PXDNL: variants seen among roughly 807,000 people sequenced by gnomAD.
PXDNL encodes probable oxidoreductase PXDNL.
In PXDNL, 145 loss-of-function variants were observed where a neutral mutation model predicts 150.8. That is an observed-to-expected ratio of 0.96 (90% CI 0.84 to 1.10). The LOEUF is 1.10. PXDNL is among the 50% of genes least tolerant of loss of function. The pLI, the probability that PXDNL is intolerant of heterozygous loss-of-function variation, is 0.00. For missense variants in PXDNL, 2,087 were observed against 1,873.9 expected (o/e 1.11, Z -2.10); for synonymous variants, 757 against 725.7 (o/e 1.04, Z -0.69).
At chr8:51,803,337 T>A (rs941468804) in intron 1 of PXDNL, among the ~76,000 whole-genome samples, 3 of 152,138 alleles carry the variant, frequency 2.0e-5, no homozygotes, top group African/African-American at 4.8e-5. Context: ...AGCTCTCACA[T>A]CCTTCCTCTT....
intron 6 of PXDNL, among the ~76,000 whole-genome samples, chr8:51,476,715 T>C (rs1391407976): frequency 1.3e-5 from 2 of 152,198 alleles, no homozygotes; most frequent in Admixed American, 6.5e-5. Flanking sequence ...TTTTGCTAAG[T>C]AGAATTCACA....
chr8:51,786,626 G>C (rs2037463160), intron 1 of PXDNL, among the ~76,000 whole-genome samples: 1 of 150,780 alleles, frequency 6.6e-6, no homozygotes, highest in South Asian at 2.1e-4. Context: ...ACACACTGAA[G>C]CTAGCGGAGG....
chr8:51,381,700 C>T (rs1189404212), intron 17 of PXDNL, among the ~76,000 whole-genome samples: 2 of 151,348 alleles, frequency 1.3e-5, no homozygotes, highest in African/African-American at 2.4e-5. Context: ...GTCGCCCAGG[C>T]TAGAGTGCAG....
chr8:51,647,875 G>A (rs1814952586), intron 2 of PXDNL, among the ~76,000 whole-genome samples: 1 of 152,118 alleles, frequency 6.6e-6, no homozygotes, highest in African/African-American at 2.4e-5. Context: ...TAGACACAGA[G>A]AAGGGACTCA....
At chr8:51,346,501 G>T (rs1030589815) in intron 19 of PXDNL, among the ~76,000 whole-genome samples, 13 of 152,264 alleles carry the variant, frequency 8.5e-5, no homozygotes, top group Non-Finnish European at 1.6e-4. Context: ...TGAAAAACTT[G>T]TTGCAAATAA....
chr8:51,495,765 C>A (rs1010990922), intron 5 of PXDNL, among the ~76,000 whole-genome samples: 2 of 152,092 alleles, frequency 1.3e-5, no homozygotes, highest in Non-Finnish European at 2.9e-5. Flanking sequence ...CAATAACAGG[C>A]TCTGAAAGTG....
chr8:51,559,398 C>T (rs1812673111), intron 3 of PXDNL, among the ~76,000 whole-genome samples: 1 of 136,352 alleles, frequency 7.3e-6, no homozygotes, highest in African/African-American at 2.6e-5. Context: ...GTTTCATTAA[C>T]ACCAGTCACA....
chr8:51,512,937 A>AC (rs1811453919), intron 4 of PXDNL, among the ~76,000 whole-genome samples: 1 of 1,006 alleles, frequency 9.9e-4, no homozygotes, highest in Admixed American at 0.056. Flanking sequence ...TCCCACCAAC[A>AC]GGGGCAAGCA....
intron 12 of PXDNL, among the ~76,000 whole-genome samples, chr8:51,435,061 G>A (rs1489116275): frequency 6.6e-6 from 1 of 152,194 alleles, no homozygotes; most frequent in Non-Finnish European, 1.5e-5. Flanking sequence ...GCTCAGGCCT[G>A]TAGTCACAGC....
At position 51,409,883 on chromosome 8, in the gene PXDNL, C is replaced by T. The variant is rs565329282; in HGVS notation, c.2063-322G>A. 2.6e-5 allele frequency among the ~76,000 whole-genome samples: 4 copies of T among 152,076 alleles called. No homozygotes were observed. In the East Asian group the frequency reaches 7.8e-4, roughly 29 times the overall value. ...GATGTTTCCAGAAGACCCGGGATTACTTTTGTGCTGTTCATCCTGTAAACA... is the reference window on the plus strand; with the variant it reads ...GATGTTTCCAGAAGACCCGGGATTATTTTTGTGCTGTTCATCCTGTAAACA... On this transcript the variant is annotated intron_variant, in intron 16 of 22. Transcript: ENST00000356297.
At chr8:51,779,111 G>A (rs1228066583) in intron 1 of PXDNL, among the ~76,000 whole-genome samples, 1 of 152,106 alleles carries the variant, frequency 6.6e-6, no homozygotes, top group Admixed American at 6.5e-5. Flanking sequence ...ATGAAAAGGG[G>A]GTAGAGTAGA....
intron 20 of PXDNL, among the ~76,000 whole-genome samples, chr8:51,344,875 T>C (rs562903212): frequency 6.6e-6 from 1 of 152,328 alleles, no homozygotes; most frequent in East Asian, 1.9e-4. Context: ...TGCATAGTTA[T>C]GAAGCAGTAG....
chr8:51,780,335 G>A lies in PXDNL; in HGVS notation c.164+28846C>T, dbSNP rs182685388. Among the ~76,000 whole-genome samples, 466 of 152,224 alleles carry A rather than the reference G, an allele frequency of 3.1e-3. 2 individuals carry two copies. The highest frequency in any genetic ancestry group is 7.0e-3 in the South Asian group (34 of 4,824). On this transcript the variant is annotated intron_variant, in intron 1 of 22. Transcript: ENST00000356297. ...GACACTAATGTAGATAGCTGAAAAT[G>A]CCACCAAAATGAAATAATATATATT...
chr8:51,664,249 A>C (rs1585658374), intron 1 of PXDNL, among the ~76,000 whole-genome samples: 2 of 152,204 alleles, frequency 1.3e-5, no homozygotes, highest in East Asian at 3.8e-4. Flanking sequence ...AATGTCTTTC[A>C]CTTGGAAACA....
chr8:51,688,300 C>A lies in PXDNL; in HGVS notation c.165-33540G>T, dbSNP rs1490504181. On this transcript the variant is annotated intron_variant, in intron 1 of 22. Transcript: ENST00000356297. Reference sequence around the variant, plus strand: ...TCAGGCAAAGAGACTGTGACCTTATCTTTCAAGTATCTAGTATTCATTTAA... The same window carrying A: ...TCAGGCAAAGAGACTGTGACCTTATATTTCAAGTATCTAGTATTCATTTAA... 2.0e-5 allele frequency among the ~76,000 whole-genome samples: 3 copies of A among 151,762 alleles called. No homozygotes were observed. In the East Asian group the frequency reaches 5.8e-4, roughly 29 times the overall value.
At chr8:51,339,954 C>T (rs1337754477) in intron 20 of PXDNL, 3 of 447,268 alleles carry the variant, frequency 6.7e-6, no homozygotes, top group East Asian at 7.6e-5. Flanking sequence ...CAGAGTGTCA[C>T]ATCTGGTTCA....
At chr8:51,652,222 T>A (rs1311616505) in intron 2 of PXDNL, among the ~76,000 whole-genome samples, 2 of 152,102 alleles carry the variant, frequency 1.3e-5, no homozygotes, top group African/African-American at 4.8e-5. Context: ...TCATGAAAAA[T>A]TTAACTTTAT....
intron 2 of PXDNL, among the ~76,000 whole-genome samples, chr8:51,604,974 T>G (rs978096810): frequency 6.6e-6 from 1 of 152,152 alleles, no homozygotes; most frequent in Non-Finnish European, 1.5e-5. Context: ...AAAATACACA[T>G]TTGCCCAAGT....
intron 14 of PXDNL, among the ~76,000 whole-genome samples, chr8:51,423,262 C>G (rs763029189): frequency 8.5e-5 from 13 of 152,298 alleles, no homozygotes; most frequent in Admixed American, 7.8e-4. Context: ...CCACCTCCGG[C>G]TCCACATTTT....
Sources: allele counts gnomAD v4.1 joint callset (sites outside exome capture counted in the v4.1 genomes callset), GRCh38; gene constraint gnomAD v4.1.1; transcripts MANE v1.5; gene names NCBI Gene and HGNC (gene_info 2026-07-23, HGNC 2026-07-21).